TG: variants seen among roughly 807,000 people sequenced by gnomAD.
The protein encoded by TG is thyroglobulin.
TG carries 270 observed loss-of-function variants against 324.7 expected under a neutral mutation model. The ratio of observed to expected loss-of-function variants is 0.83; its 90% CI spans 0.75 to 0.92. The LOEUF (loss-of-function observed/expected upper bound fraction) is 0.92, where lower values mean the gene tolerates loss of function less well. Ranked by LOEUF, TG falls within the 40% of genes least tolerant of loss-of-function variation. The pLI, the probability that TG is intolerant of heterozygous loss-of-function variation, is 0.00. For synonymous variants in TG, 1,401 were observed against 1,327.0 expected (o/e 1.06, Z -1.21); for missense variants, 3,591 against 3,456.4 (o/e 1.04, Z -0.98).
At chr8:132,964,890 A>C in intron 29 of TG, 1 of 702,194 alleles carries the variant, frequency 1.4e-6, no homozygotes, top group Non-Finnish European at 2.6e-6. Flanking sequence ...GGGCCAGGAA[A>C]GGTTTCTCGG....
Position 133,049,835 on chromosome 8 carries a change from G to A in TG, c.7239+19812G>A. 4.8e-6 allele frequency: 5 copies of A among 1,047,118 alleles called. No homozygotes were observed. In the South Asian group the frequency reaches 6.3e-5, roughly 13 times the overall value. 64.9% of individuals were successfully genotyped at this position (1,047,118 alleles called of 1,614,324 possible). On this transcript the variant is annotated intron_variant, in intron 41 of 47. Transcript: ENST00000220616. ...TACCACTATGAATGCTGGAATCTTT[G>A]TTCCACCTTATGAGTCACCAGCATA...
intron 43 of TG, among the ~76,000 whole-genome samples, chr8:133,106,137 T>G (rs947819721): frequency 6.6e-6 from 1 of 151,738 alleles, no homozygotes; most frequent in Non-Finnish European, 1.5e-5. Context: ...AGTGGGGGGG[T>G]TTGCCCAGCG....
At chr8:133,036,736 G>A (rs1837186623) in intron 41 of TG, 1 of 152,574 alleles carries the variant, frequency 6.6e-6, no homozygotes, top group Admixed American at 6.5e-5. Flanking sequence ...TGTGCCAAGG[G>A]TTAAATATTT....
At chr8:133,123,691 C>G (rs1239518593) in intron 45 of TG, among the ~76,000 whole-genome samples, 1 of 151,184 alleles carries the variant, frequency 6.6e-6, no homozygotes, top group Non-Finnish European at 1.5e-5. Context: ...GAACAAAGGA[C>G]TCAGACCCTG....
At chr8:133,010,711 C>A (rs1489572649) in intron 35 of TG, among the ~76,000 whole-genome samples, 1 of 152,192 alleles carries the variant, frequency 6.6e-6, no homozygotes, top group African/African-American at 2.4e-5. Flanking sequence ...TAAGTGGAAA[C>A]TCAGGATCAC....
At chr8:133,057,775 A>AAAC (rs770301889) in intron 41 of TG, among the ~76,000 whole-genome samples, 6 of 35,474 alleles carry the variant, frequency 1.7e-4, no homozygotes, top group Admixed American at 4.8e-4. Context: ...AACAAAAAAC[A>AAAC]AAAAAAAAAA....
chr8:133,102,521 G>T lies in TG; in HGVS notation c.7572+6148G>T, dbSNP rs1469018189. 11 of 1,550,478 alleles carry T rather than the reference G, an allele frequency of 7.1e-6. No individual in the cohort carries two copies. In the East Asian group the frequency reaches 2.7e-4, roughly 38 times the overall value. On this transcript the variant is annotated intron_variant, in intron 43 of 47. Transcript: ENST00000220616. ...CCAGGCCACCTATGGCCCACCCAGG[G>T]GGTCCCAATGACAGCAAAGTTAGCA... is the stretch of plus-strand genomic sequence containing the variant.
rs1371359714 is a variant in TG at position 132,869,786 on chromosome 8, T to A, written c.234T>A (p.Ser78Arg). The A allele has an allele frequency of 6.2e-7, 1 of 1,613,934 alleles. No homozygotes were observed. Among genetic ancestry groups the A allele is most frequent in the African/African-American group, 1.3e-5 (1 of 74,902 alleles). ...RSCWCVGANG[S>R]EVLGSRQPGR... ...GCTGGTGTGTGGGTGCCAACGGCAGTGAAGTGCTGGGCAGCAGGCAGCCAG... is the reference window on the plus strand; with the variant it reads ...GCTGGTGTGTGGGTGCCAACGGCAGAGAAGTGCTGGGCAGCAGGCAGCCAG... Residue 78 changes from serine to arginine, a missense_variant, in exon 3 of 48, where the codon AGT becomes AGA. Transcript: ENST00000220616.
intron 45 of TG, among the ~76,000 whole-genome samples, chr8:133,119,165 T>C (rs1449776432): frequency 1.3e-5 from 2 of 152,180 alleles, no homozygotes; most frequent in Non-Finnish European, 1.5e-5. Context: ...AGTAAGTTTA[T>C]GGTGATTTGC....
At chr8:132,969,636 A>G (rs1372876500) in intron 32 of TG, 67 bp downstream of exon 32, 3 of 1,221,724 alleles carry the variant, frequency 2.5e-6, no homozygotes, top group African/African-American at 1.5e-5. Context: ...AGATGACACA[A>G]TCACAGCTAA....
intron 23 of TG, among the ~76,000 whole-genome samples, chr8:132,930,984 G>C (rs923487717): frequency 6.6e-6 from 1 of 152,218 alleles, no homozygotes; most frequent in Non-Finnish European, 1.5e-5. Context: ...CAGGCATCCA[G>C]CACTGTGTTA....
chr8:133,002,914 C>T (rs1833677472), intron 35 of TG: 5 of 809,346 alleles, frequency 6.2e-6, no homozygotes, highest in Non-Finnish European at 7.7e-6. Context: ...ATGGTAACAC[C>T]TGTGGGTTAT....
chr8:132,929,303 ACTTT>A (rs1822345232), intron 23 of TG, 111 bp downstream of exon 23: 1 of 831,644 alleles, frequency 1.2e-6, no homozygotes, highest in African/African-American at 1.7e-5. Flanking sequence ...TTAAAAACAT[ACTTT>A]ATCAAAAACA....
rs1488041827 is a variant in TG at position 133,017,802 on chromosome 8, C to T, written c.6587C>T (p.Ala2196Val). Residue 2196 changes from alanine to valine, a missense_variant, in exon 38 of 48, where the codon GCA becomes GTA. By Grantham distance (64) the Ala-to-Val change is moderately conservative. Coordinates refer to ENST00000220616, the MANE Select transcript of TG (RefSeq NM_003235.5). ...GGAATCTCTCTGCTCAGCTATGAGG[C>T]ATCTGTACCTTCTGTGCCCATTTCC... The part of the protein sequence containing the change: ...KPGISLLSYE[A>V]SVPSVPISTH... 1 of 1,614,206 alleles carries T rather than the reference C, an allele frequency of 6.2e-7. No individual in the cohort carries two copies. The highest frequency in any genetic ancestry group is 1.1e-5 in the South Asian group (1 of 91,086).
intron 43 of TG, among the ~76,000 whole-genome samples, chr8:133,105,107 A>T (rs1849685403): frequency 6.6e-6 from 1 of 152,184 alleles, no homozygotes; most frequent in African/African-American, 2.4e-5. Context: ...GAAGCAGGTG[A>T]ACTCTGGTAG....
At chr8:132,915,068 GC>G (rs1004787780) in intron 20 of TG, among the ~76,000 whole-genome samples, 4 of 152,102 alleles carry the variant, frequency 2.6e-5, no homozygotes, top group African/African-American at 9.7e-5. Context: ...TTGTCCGTAC[GC>G]ATGTGTGTGA....
intron 35 of TG, among the ~76,000 whole-genome samples, chr8:132,997,412 T>C (rs1832985494): frequency 6.6e-6 from 1 of 152,186 alleles, no homozygotes; most frequent in Non-Finnish European, 1.5e-5. Flanking sequence ...TTGGTGGTCA[T>C]TAGCATGTCA....
At chr8:132,985,740 G>C (rs148526285) in intron 35 of TG, among the ~76,000 whole-genome samples, 1 of 152,100 alleles carries the variant, frequency 6.6e-6, no homozygotes, top group East Asian at 1.9e-4. Flanking sequence ...GCTGCAGATC[G>C]TGTGGGTGCT....
At chr8:133,051,069 T>C (rs1380225373) in intron 41 of TG, among the ~76,000 whole-genome samples, 5 of 152,224 alleles carry the variant, frequency 3.3e-5, no homozygotes, top group Admixed American at 3.3e-4. Flanking sequence ...AGGTCCTCTC[T>C]TCAGAGATGG....
Sources: allele counts gnomAD v4.1 joint callset (sites outside exome capture counted in the v4.1 genomes callset), GRCh38; gene constraint gnomAD v4.1.1; transcripts MANE v1.5; gene names NCBI Gene and HGNC (gene_info 2026-07-23, HGNC 2026-07-21).